TIAM1: variants seen among roughly 807,000 people sequenced by gnomAD.
TIAM1 encodes rho guanine nucleotide exchange factor TIAM1.
In TIAM1, 65 loss-of-function variants were observed where a neutral mutation model predicts 163.5. The observed-to-expected ratio is 0.40, with a 90% confidence interval of 0.33 to 0.49. The LOEUF is 0.49. TIAM1 is among the 20% of genes least tolerant of loss of function. The pLI is 0.77. For missense variants in TIAM1, 1,789 were observed against 2,044.7 expected, an observed-to-expected ratio of 0.87 and a Z score of 2.41; for synonymous variants, 833 against 810.1, an observed-to-expected ratio of 1.03 and a Z score of -0.48.
chr21:31,193,908 C>G (rs2085702457), intron 13 of TIAM1, among the ~76,000 whole-genome samples: 1 of 152,142 alleles, frequency 6.6e-6, no homozygotes. Context: ...ATGGCCCCCG[C>G]CAGGCAAAGA....
upstream of TIAM1, among the ~76,000 whole-genome samples, chr21:31,346,180 C>A (rs924059897): frequency 2.0e-5 from 3 of 152,170 alleles, no homozygotes; most frequent in Admixed American, 6.5e-5. Flanking sequence ...TATCCAGCCA[C>A]AAATGCCAAT....
intron 13 of TIAM1, among the ~76,000 whole-genome samples, chr21:31,193,317 T>G (rs913266060): frequency 1.4e-4 from 22 of 152,286 alleles, no homozygotes; most frequent in African/African-American, 4.6e-4. Flanking sequence ...TAAACTGTGG[T>G]ACAAACAATG....
At chr21:31,369,387 G>A (rs961709752) in intron 2 of TIAM1, among the ~76,000 whole-genome samples, 1 of 151,866 alleles carries the variant, frequency 6.6e-6, no homozygotes, top group Admixed American at 6.6e-5. Flanking sequence ...ATTAGAAGGT[G>A]AAATATTAGA....
At position 31,332,340 on chromosome 21, in the gene TIAM1, C is replaced by T. The variant is rs1213130983; in HGVS notation, c.-189+6903G>A. ...ATAATATCCATATTACAGGCTTTGC[C>T]AACTATACAGAGAGAAATTTCTATA... On this transcript the variant is annotated intron_variant, in intron 2 of 27. Transcript: ENST00000541036. Among the ~76,000 whole-genome samples the T allele has an allele frequency of 2.0e-5, 3 of 152,008 alleles. No homozygotes were observed. The East Asian group carries it at 5.8e-4, about 29-fold the overall frequency.
At chr21:31,241,344 G>A (rs1228910942) in intron 6 of TIAM1, among the ~76,000 whole-genome samples, 2 of 152,032 alleles carry the variant, frequency 1.3e-5, no homozygotes, top group Admixed American at 1.3e-4. Context: ...AGAGATGAAG[G>A]CTAAGGCAGA....
chr21:31,133,682 C>A (rs2082505054), intron 23 of TIAM1, among the ~76,000 whole-genome samples: 1 of 152,238 alleles, frequency 6.6e-6, no homozygotes, highest in Non-Finnish European at 1.5e-5. Flanking sequence ...CCAGCCATCT[C>A]ATTCATTTAC....
intron 2 of TIAM1, among the ~76,000 whole-genome samples, chr21:31,377,439 G>T (rs1021935776): frequency 1.3e-5 from 2 of 152,052 alleles, no homozygotes; most frequent in Non-Finnish European, 2.9e-5. Flanking sequence ...CACTGACCAT[G>T]GAGCTGGCTC....
At chr21:31,295,242 G>A (rs1221766678) in intron 2 of TIAM1, among the ~76,000 whole-genome samples, 4 of 152,112 alleles carry the variant, frequency 2.6e-5, no homozygotes, top group African/African-American at 4.8e-5. Flanking sequence ...AGGCCAAGGC[G>A]GGCGGATCAT....
intron 3 of TIAM1, among the ~76,000 whole-genome samples, chr21:31,272,948 A>C (rs1027803257): frequency 6.6e-6 from 1 of 152,204 alleles, no homozygotes; most frequent in African/African-American, 2.4e-5. Context: ...TTCTGTCTTA[A>C]TAAACTAGTG....
intron 2 of TIAM1, among the ~76,000 whole-genome samples, chr21:31,439,025 T>C (rs1370095896): frequency 2.0e-5 from 3 of 152,234 alleles, no homozygotes; most frequent in Non-Finnish European, 1.5e-5. Flanking sequence ...TTCAATTACA[T>C]TAACATGCTG....
At chr21:31,475,967 G>A (rs1431396329) in intron 1 of TIAM1, among the ~76,000 whole-genome samples, 3 of 151,902 alleles carry the variant, frequency 2.0e-5, no homozygotes, top group Non-Finnish European at 4.4e-5. Context: ...TGCCTAAAAC[G>A]GCTGCCTACT....
rs182588155 is a variant in TIAM1 at position 31,207,022 on chromosome 21, G to A, written c.2388+3023C>T. Among the ~76,000 whole-genome samples, 12 of 152,034 alleles carry A rather than the reference G, an allele frequency of 7.9e-5. No individual in the cohort carries two copies. In the East Asian group the frequency reaches 2.3e-3, roughly 29 times the overall value. ...AAAGTAACCTTTTCTTTCTCTAAAC[G>A]CCAATGGTTATAGCATATCCAAAGC... On this transcript the variant is annotated intron_variant, in intron 11 of 27. Coordinates refer to ENST00000541036, the MANE Select transcript of TIAM1 (RefSeq NM_001353694.2).
At chr21:31,513,940 G>A (rs568534751) in intron 1 of TIAM1, among the ~76,000 whole-genome samples, 7 of 152,324 alleles carry the variant, frequency 4.6e-5, no homozygotes, top group African/African-American at 1.7e-4. Flanking sequence ...CTGGGAGGCA[G>A]AGGATGTAGT....
chr21:31,258,041 C>T lies in TIAM1; in HGVS notation c.964-5852G>A, dbSNP rs571163386. ...TATCCAGGTCTGCCCTCACCCTGAC[C>T]ACCCTGTCAGAAATTGCCCCCCACA... On this transcript the variant is annotated intron_variant, in intron 4 of 27. Coordinates refer to ENST00000541036, the MANE Select transcript of TIAM1 (RefSeq NM_001353694.2). Among the ~76,000 whole-genome samples, 4 of 152,006 alleles carry T rather than the reference C, an allele frequency of 2.6e-5. No homozygotes were observed. The South Asian group carries it at 8.3e-4, about 32-fold the overall frequency.
In TIAM1 at chr21:31,337,963, GA is replaced by G. The variant is rs552037096; in HGVS notation, c.-189+1279del. Among the ~76,000 whole-genome samples the G allele has an allele frequency of 9.2e-5, 14 of 152,112 alleles. No individual in the cohort carries two copies. In the South Asian group the frequency reaches 1.0e-3, roughly 11 times the overall value. On this transcript the variant is annotated intron_variant, in intron 2 of 27. Coordinates refer to ENST00000541036, the MANE Select transcript of TIAM1 (RefSeq NM_001353694.2). The stretch of plus-strand genomic sequence containing the variant: ...CTCTCTGTTGGAGGGTGCCCTTAGG[GA>G]CTGGATTCCCTTTAACCAACTACCT...
intron 2 of TIAM1, among the ~76,000 whole-genome samples, chr21:31,381,898 TAGAG>T (rs1199709355): frequency 6.6e-6 from 1 of 152,146 alleles, no homozygotes; most frequent in Non-Finnish European, 1.5e-5. Flanking sequence ...AGGATATATA[TAGAG>T]AGAGGCTGTC....
At chr21:31,360,899 A>G (rs1478412028) in intron 2 of TIAM1, among the ~76,000 whole-genome samples, 1 of 152,206 alleles carries the variant, frequency 6.6e-6, no homozygotes, top group Non-Finnish European at 1.5e-5. Flanking sequence ...AATGACTAAT[A>G]ACACCAAGGT....
Position 31,448,215 on chromosome 21 carries a change from T to C in TIAM1, c.-369+15768A>G, listed in dbSNP as rs184762675. On this transcript the variant is annotated intron_variant, in intron 2 of 28. Coordinates refer to the TIAM1 transcript ENST00000286827. ...ACAAAATTAACCATCACAGCAGTCA[T>C]TGTGTAATAGGCCCCAAGAAAAACA... Among the ~76,000 whole-genome samples the C allele has an allele frequency of 1.5e-3, 236 of 152,266 alleles. 1 individual carries two copies. The highest frequency in any genetic ancestry group is 1.2e-3 in the East Asian group (6 of 5,180).
intron 7 of TIAM1, 73 bp from the exon 8 acceptor site, chr21:31,223,664 C>A: frequency 7.0e-7 from 1 of 1,438,842 alleles, no homozygotes; most frequent in South Asian, 1.4e-5. Flanking sequence ...TTATCCTATA[C>A]AGATCTATAT....
Sources: gnomAD v4.1 joint callset for allele counts (sites outside exome capture counted in the v4.1 genomes callset) on GRCh38, gnomAD v4.1.1 for gene constraint, MANE v1.5 for transcripts, NCBI Gene and HGNC (gene_info 2026-07-23, HGNC 2026-07-21) for gene names.